Variants in GREB1L observed in about 807,000 individuals in gnomAD.
GREB1L encodes GREB1 like retinoic acid receptor coactivator.
Under a neutral mutation model 200.8 loss-of-function variants are expected in GREB1L, and 17 were observed. The observed-to-expected ratio is 0.08, with a 90% confidence interval of 0.06 to 0.13. GREB1L has a LOEUF of 0.13. GREB1L is among the 10% of genes least tolerant of loss of function. The probability of loss-of-function intolerance (pLI) is 1.00; values close to 1 mark genes in which losing one functional copy is unlikely to be tolerated. For synonymous variants in GREB1L, 789 were observed against 893.0 expected, an observed-to-expected ratio of 0.88 and a Z score of 2.08; for missense variants, 1,657 against 2,367.7, an observed-to-expected ratio of 0.70 and a Z score of 6.23.
At chr18:21,518,013 T>C in intron 30 of GREB1L, 21 bp from the exon 31 acceptor site, 1 of 1,539,334 alleles carries the variant, frequency 6.5e-7, no homozygotes. Context: ...TTTCCCATGA[T>C]CATCTCGCCT....
chr18:21,401,390 A>G (rs2041309839), intron 6 of GREB1L, 64 bp downstream of exon 6: 3 of 1,341,026 alleles, frequency 2.2e-6, no homozygotes, highest in Middle Eastern at 1.9e-4. Flanking sequence ...CAAGTGACCC[A>G]TACAAGATTC....
At chr18:21,477,460 A>C in intron 17 of GREB1L, 104 bp downstream of exon 17, 1 of 915,328 alleles carries the variant, frequency 1.1e-6, no homozygotes, top group Non-Finnish European at 1.5e-6. Context: ...TATTCATAAG[A>C]ATTCAAAATC....
chr18:21,378,071 A>C (rs2040149086), intron 2 of GREB1L, among the ~76,000 whole-genome samples: 1 of 152,130 alleles, frequency 6.6e-6, no homozygotes, highest in Non-Finnish European at 1.5e-5. Flanking sequence ...ACTAGTTTTG[A>C]AAAGTATCTT....
intron 2 of GREB1L, among the ~76,000 whole-genome samples, chr18:21,370,274 A>G (rs2039825153): frequency 6.6e-6 from 1 of 152,088 alleles, no homozygotes; most frequent in South Asian, 2.1e-4. Context: ...GTCCCCCAAA[A>G]CTCACAATCT....
chr18:21,516,545 C>T (rs1211727769), intron 29 of GREB1L, 68 bp from the exon 30 acceptor site: 1 of 1,400,236 alleles, frequency 7.1e-7, no homozygotes, highest in Non-Finnish European at 9.8e-7. Context: ...ACATTTATTT[C>T]TCTGTGTATA....
chr18:21,481,471 GTGTGTGTATA>G (rs1041538471), intron 17 of GREB1L, among the ~76,000 whole-genome samples: 5 of 117,052 alleles, frequency 4.3e-5, no homozygotes, highest in African/African-American at 1.1e-4. Flanking sequence ...GTGTGTGTGT[GTGTGTGTATA>G]TATATATATA....
intron 1 of GREB1L, among the ~76,000 whole-genome samples, chr18:21,323,527 A>G (rs543788442): frequency 2.0e-5 from 3 of 152,298 alleles, no homozygotes; most frequent in Admixed American, 2.0e-4. Flanking sequence ...CTCACTCAAA[A>G]TAAGAGGAAT....
At chr18:21,245,805 C>T (rs1448647641) in intron 1 of GREB1L, among the ~76,000 whole-genome samples, 1 of 152,154 alleles carries the variant, frequency 6.6e-6, no homozygotes, top group African/African-American at 2.4e-5. Context: ...GCAAGCTCCG[C>T]CTTCCGGGTT....
At chr18:21,322,919 A>T (rs2038971357) in intron 1 of GREB1L, among the ~76,000 whole-genome samples, 1 of 150,908 alleles carries the variant, frequency 6.6e-6, no homozygotes, top group Non-Finnish European at 1.5e-5. Context: ...TAAACATGGG[A>T]TTTTTTTTTT....
At chr18:21,346,188 A>T (rs543537542) in intron 1 of GREB1L, among the ~76,000 whole-genome samples, 1 of 152,094 alleles carries the variant, frequency 6.6e-6, no homozygotes, top group African/African-American at 2.4e-5. Flanking sequence ...ACTAATTCCC[A>T]CTGATTTCAT....
chr18:21,408,795 A>G (rs1331716409), intron 7 of GREB1L, among the ~76,000 whole-genome samples: 1 of 80,374 alleles, frequency 1.2e-5, no homozygotes, highest in Non-Finnish European at 3.2e-5. Context: ...ATTCCATCTC[A>G]AAAAAAAAAA....
chr18:21,296,539 C>T (rs1049592867), intron 1 of GREB1L, among the ~76,000 whole-genome samples: 2 of 152,072 alleles, frequency 1.3e-5, no homozygotes, highest in African/African-American at 4.8e-5. Context: ...ACTCAGTTTA[C>T]CCATATACCC....
intron 7 of GREB1L, among the ~76,000 whole-genome samples, chr18:21,405,420 C>T (rs1329449910): frequency 6.6e-6 from 1 of 152,182 alleles, no homozygotes; most frequent in Non-Finnish European, 1.5e-5. Flanking sequence ...ACAACAAAAA[C>T]GTATCAAGTG....
intron 7 of GREB1L, among the ~76,000 whole-genome samples, chr18:21,420,084 A>AAG (rs2032020528): frequency 1.3e-5 from 2 of 152,094 alleles, no homozygotes; most frequent in South Asian, 4.2e-4. Flanking sequence ...ATGAAAAGAC[A>AAG]AGCCACAGAC....
At chr18:21,511,360 G>A (rs1330694476) in intron 27 of GREB1L, among the ~76,000 whole-genome samples, 5 of 150,488 alleles carry the variant, frequency 3.3e-5, no homozygotes, top group East Asian at 3.9e-4. Flanking sequence ...GTGAAACTCC[G>A]TCTCAAAAAA....
At chr18:21,356,274 C>T (rs961747414) in intron 1 of GREB1L, among the ~76,000 whole-genome samples, 4 of 152,054 alleles carry the variant, frequency 2.6e-5, no homozygotes, top group African/African-American at 9.7e-5. Flanking sequence ...TTAGCCACAG[C>T]ACCCAGCCTA....
chr18:21,452,247 G>T, intron 14 of GREB1L, 30 bp downstream of exon 14: 7 of 1,548,474 alleles, frequency 4.5e-6, no homozygotes, highest in Non-Finnish European at 6.1e-6. Context: ...AGAGGAGGAA[G>T]TCAGTCCTTG....
intron 1 of GREB1L, among the ~76,000 whole-genome samples, chr18:21,255,192 C>T (rs77838622): frequency 0.064 from 9,677 of 152,222 alleles, 433 homozygotes; most frequent in Non-Finnish European, 0.088. Flanking sequence ...CTAGACAAGC[C>T]AATCAGTTGT....
intron 7 of GREB1L, 128 bp from the exon 8 acceptor site, chr18:21,439,393 G>A (rs1260335733): frequency 5.1e-6 from 3 of 590,190 alleles, no homozygotes; most frequent in African/African-American, 1.9e-5. Flanking sequence ...TGTATAACTG[G>A]ACTGAGTCCT....
Sources: gnomAD v4.1 joint callset for allele counts (sites outside exome capture counted in the v4.1 genomes callset) on GRCh38, gnomAD v4.1.1 for gene constraint, MANE v1.5 for transcripts, NCBI Gene and HGNC (gene_info 2026-07-23, HGNC 2026-07-21) for gene names.